Variants in RAVER2 observed in about 807,000 individuals in gnomAD.
RAVER2 encodes the protein ribonucleoprotein PTB-binding 2.
RAVER2 carries 46 observed loss-of-function variants against 78.1 expected under a neutral mutation model. The observed-to-expected ratio is 0.59, with a 90% CI of 0.46 to 0.75. RAVER2 has a LOEUF of 0.75. Among genes scored for constraint, RAVER2 ranks in the 30% least tolerant of loss-of-function variants. RAVER2 has a pLI of 0.00. For synonymous variants in RAVER2, 311 were observed against 313.3 expected (o/e 0.99, Z 0.08); for missense variants, 793 against 837.5 (o/e 0.95, Z 0.66).
intron 5 of RAVER2, among the ~76,000 whole-genome samples, chr1:64,799,589 T>A (rs1013051739): frequency 6.6e-6 from 1 of 152,082 alleles, no homozygotes. Flanking sequence ...ATTACTGGCA[T>A]GCACCACTAC....
At chr1:64,788,168 C>T (rs1213244258) in intron 4 of RAVER2, among the ~76,000 whole-genome samples, 1 of 152,068 alleles carries the variant, frequency 6.6e-6, no homozygotes, top group Non-Finnish European at 1.5e-5. Context: ...CAAGTAAAGA[C>T]CTTTATAAAA....
chr1:64,745,476 C>T lies in RAVER2; in HGVS notation c.249+55C>T. On this transcript the variant is annotated intron_variant, in intron 1 of 11. Transcript: ENST00000294428. This position sits in a 1 kb window ranked among gnomAD's most constrained non-coding sequence, Gnocchi z 4.3. The stretch of plus-strand genomic sequence containing the variant: ...CCCGAGGGGCGGCGGGGCGGCGCTC[C>T]GTGTCCAGGCTGGGATCGGGGGCGC... 1.4e-6 allele frequency: 2 copies of T among 1,465,640 alleles called. No individual in the cohort carries two copies. Among genetic ancestry groups the T allele is most frequent in the Non-Finnish European group, 1.8e-6 (2 of 1,096,476 alleles). The allele number at this position is 1,465,640 out of a possible 1,614,324, so 90.8% of individuals were successfully genotyped here.
chr1:64,775,668 G>A (rs1441299070), intron 2 of RAVER2, among the ~76,000 whole-genome samples: 1 of 152,136 alleles, frequency 6.6e-6, no homozygotes, highest in Non-Finnish European at 1.5e-5. Context: ...GCTAGCAAAG[G>A]AAATAGAAGA....
chr1:64,807,761 C>T lies in RAVER2; in HGVS notation c.1680+287C>T, dbSNP rs1161847995. 2.6e-5 allele frequency among the ~76,000 whole-genome samples: 4 copies of T among 152,166 alleles called. No homozygotes were observed. The Middle Eastern group carries it at 0.01, about 394-fold the overall frequency. Reference sequence around the variant, plus strand: ...ATTTTAATTTGTGTAAAATGAGTTACGTCTCTTATAAATAATTTAAATGTG... The same window carrying T: ...ATTTTAATTTGTGTAAAATGAGTTATGTCTCTTATAAATAATTTAAATGTG... On this transcript the variant is annotated intron_variant, in intron 9 of 11. Coordinates refer to ENST00000294428, the Ensembl canonical transcript of RAVER2.
chr1:64,753,266 G>A (rs1036096551), intron 1 of RAVER2, among the ~76,000 whole-genome samples: 7 of 152,062 alleles, frequency 4.6e-5, no homozygotes, highest in Non-Finnish European at 1.0e-4. Context: ...TGTTGCTCAG[G>A]CTGGTCCCAA....
chr1:64,830,638 C>T (rs1174973220), intron 11 of RAVER2, among the ~76,000 whole-genome samples: 1 of 152,096 alleles, frequency 6.6e-6, no homozygotes, highest in African/African-American at 2.4e-5. Context: ...TTGTGTCTTG[C>T]AGAAATTCCA....
rs113557450 is a variant in RAVER2, at chr1:64,781,796, G to C, written c.978+225G>C. On this transcript the variant is annotated intron_variant, in intron 4 of 11. Transcript: ENST00000294428. The stretch of plus-strand genomic sequence containing the variant: ...AAAAAGAAATTGTGTTTAGTAAAGT[G>C]TATTTATCTTGAGAAATTTTTGAAG... 2.7e-3 allele frequency among the ~76,000 whole-genome samples: 415 copies of C among 152,210 alleles called. 3 individuals are homozygous for C. Among genetic ancestry groups the C allele is most frequent in the African/African-American group, 9.6e-3 (400 of 41,530 alleles).
At chr1:64,757,357 T>G (rs1337933395) in intron 1 of RAVER2, among the ~76,000 whole-genome samples, 9 of 152,126 alleles carry the variant, frequency 5.9e-5, no homozygotes, top group Non-Finnish European at 1.2e-4. Flanking sequence ...ACTAAGGAAG[T>G]AATTAAGATG....
intron 1 of RAVER2, among the ~76,000 whole-genome samples, chr1:64,764,970 T>G (rs1367928937): frequency 6.6e-6 from 1 of 152,242 alleles, no homozygotes; most frequent in Admixed American, 6.5e-5. Context: ...ATTAAATAAC[T>G]GGACACTGTA....
intron 6 of RAVER2, 113 bp from the exon 7 acceptor site, chr1:64,804,621 A>C: frequency 1.8e-6 from 1 of 561,416 alleles, no homozygotes; most frequent in Non-Finnish European, 3.2e-6. Context: ...AAATATGTTT[A>C]GAAGCAGTTA....
intron 1 of RAVER2, among the ~76,000 whole-genome samples, chr1:64,748,642 C>G (rs1350800737): frequency 6.6e-6 from 1 of 152,188 alleles, no homozygotes; most frequent in Non-Finnish European, 1.5e-5. Context: ...TAGCATTTAA[C>G]TCCCAATTTT....
At chr1:64,763,166 T>A (rs149530370) in intron 1 of RAVER2, among the ~76,000 whole-genome samples, 3 of 151,916 alleles carry the variant, frequency 2.0e-5, no homozygotes, top group East Asian at 1.9e-4. Flanking sequence ...GTGAGGTGGC[T>A]GGCGCCTGTA....
chr1:64,749,058 T>C (rs1651622787), intron 1 of RAVER2, among the ~76,000 whole-genome samples: 1 of 152,052 alleles, frequency 6.6e-6, no homozygotes, highest in Admixed American at 6.5e-5. Flanking sequence ...TAGGCTGGTC[T>C]TGACCTCCTG....
At chr1:64,805,167 TTACC>T (rs1316931620) in intron 8 of RAVER2, 62 bp downstream of exon 8, 7 of 1,431,540 alleles carry the variant, frequency 4.9e-6, no homozygotes, top group Non-Finnish European at 6.8e-6. Flanking sequence ...TAAAGATAGT[TTACC>T]TATGTTCTAA....
In RAVER2 at chr1:64,788,035, T is replaced by C. The variant is rs114733888; in HGVS notation, c.979-1353T>C. On this transcript the variant is annotated intron_variant, in intron 4 of 11. Transcript: ENST00000294428. Reference sequence around the variant, plus strand: ...TTTTAATTTATCTTTTATGTAATTATATATATTCATATCACCATCCATCAA... The same window carrying C: ...TTTTAATTTATCTTTTATGTAATTACATATATTCATATCACCATCCATCAA... Among the ~76,000 whole-genome samples, 512 of 152,360 alleles carry C rather than the reference T, an allele frequency of 3.4e-3. 2 individuals carry two copies. The highest frequency in any genetic ancestry group is 0.012 in the African/African-American group (479 of 41,588).
intron 5 of RAVER2, among the ~76,000 whole-genome samples, chr1:64,799,232 C>T (rs1653189548): frequency 1.3e-5 from 2 of 152,148 alleles, no homozygotes; most frequent in Admixed American, 6.5e-5. Flanking sequence ...TAATGTCCTC[C>T]AGGTTGCTGC....
intron 1 of RAVER2, among the ~76,000 whole-genome samples, chr1:64,765,736 T>C (rs1652158459): frequency 6.6e-6 from 1 of 152,192 alleles, no homozygotes; most frequent in African/African-American, 2.4e-5. Context: ...TCATAATATA[T>C]GTTTGGTGTT....
At chr1:64,788,428 C>T (rs1402799892) in intron 4 of RAVER2, among the ~76,000 whole-genome samples, 7 of 151,664 alleles carry the variant, frequency 4.6e-5, no homozygotes, top group Non-Finnish European at 7.4e-5. Flanking sequence ...GCCGAGATCG[C>T]GCCACTGCAC....
chr1:64,795,846 G>A (rs1653081185), intron 5 of RAVER2, among the ~76,000 whole-genome samples: 1 of 151,928 alleles, frequency 6.6e-6, no homozygotes, highest in South Asian at 2.1e-4. Flanking sequence ...TAGAACTGGT[G>A]AGAGCAGACA....
Sources: allele counts gnomAD v4.1 joint callset (sites outside exome capture counted in the v4.1 genomes callset), GRCh38; gene constraint gnomAD v4.1.1; non-coding constraint Gnocchi (gnomAD v3.1); transcripts MANE v1.5; gene names NCBI Gene and HGNC (gene_info 2026-07-23, HGNC 2026-07-21).